LCE5A: variants seen among roughly 807,000 people sequenced by gnomAD.
LCE5A encodes the protein late cornified envelope 5A.
For missense variants in LCE5A, 139 were observed against 147.2 expected (o/e 0.94, Z 0.29); for synonymous variants, 51 against 54.2 (o/e 0.94, Z 0.26).
intron 1 of LCE5A, 53 bp from the exon 2 acceptor site, chr1:152,511,461 A>G (rs1658569319): frequency 6.0e-6 from 7 of 1,157,902 alleles, no homozygotes; most frequent in Non-Finnish European, 8.9e-6. Flanking sequence ...TTGTGAAATT[A>G]TAGTTCAATT....
rs1658584909 is a variant in LCE5A at position 152,511,732 on chromosome 1, C to T, written c.198C>T (p.Gly66=). 8.1e-6 allele frequency: 13 copies of T among 1,613,974 alleles called. No individual in the cohort carries two copies. Among genetic ancestry groups the T allele is most frequent in the Non-Finnish European group, 1.1e-5 (13 of 1,179,930 alleles). Residue 66 remains glycine, a synonymous_variant, in exon 2 of 2, where the codon GGC becomes GGT. Transcript: ENST00000334269. ...GCTGCTGCAGCTCTGAGGGTGGTGG[C>T]TGCTGCCTGAGCCACCACAGGCCCC... ...SGGCCSSEGG[G]CCLSHHRPRQ...
At chr1:152,511,450 C>G in intron 1 of LCE5A, 64 bp from the exon 2 acceptor site, 1 of 1,034,124 alleles carries the variant, frequency 9.7e-7, no homozygotes, top group Non-Finnish European at 1.5e-6. Context: ...GAGATAAAAT[C>G]TTGTGAAATT....
Position 152,511,781 on chromosome 1 carries a change from C to CA in LCE5A, c.248dup (p.Ser84GlufsTer93), listed in dbSNP as rs530699197. ...CCGCCAGTCCCTCCGACGCCGACCT[C>CA]AGAGTTCCAGCTGCTGTGGCAGTGG... On this transcript the variant is annotated frameshift_variant, in exon 2 of 2. Transcript: ENST00000334269. LOFTEE classifies it low-confidence loss of function (END_TRUNC). The CA allele has an allele frequency of 1.6e-4, 265 of 1,613,978 alleles. 3 individuals are homozygous for CA. In the South Asian group the frequency reaches 2.8e-3, roughly 17 times the overall value.
At position 152,511,997 on chromosome 1, in the gene LCE5A, G is replaced by A. The variant is rs536471694; in HGVS notation, c.*106G>A. 3.4e-5 allele frequency: 36 copies of A among 1,045,432 alleles called. No homozygotes were observed. The highest frequency in any genetic ancestry group is 6.4e-5 in the African/African-American group (4 of 62,210). The allele number at this position is 1,045,432 out of a possible 1,614,324, so 64.8% of individuals were successfully genotyped here. Reference sequence around the variant, plus strand: ...CTCTCATTTCCCATGGAAGGACTTCGGAAATGCCTTAAGTTCCCCTCTTTA... The same window carrying A: ...CTCTCATTTCCCATGGAAGGACTTCAGAAATGCCTTAAGTTCCCCTCTTTA... On this transcript the variant is annotated 3_prime_UTR_variant, in exon 2 of 2. Coordinates refer to ENST00000334269, the MANE Select transcript of LCE5A (RefSeq NM_178438.5).
In LCE5A at chr1:152,511,693, T is replaced by C. The variant is rs777971103; in HGVS notation, c.159T>C (p.Gly53=). ...PCPPPVSSCC[G]SSSGGCCSSE... Reference sequence around the variant, plus strand: ...CACCTCCAGTCTCTTCCTGCTGTGGTTCCAGCTCTGGGGGCTGCTGCAGCT... The same window carrying C: ...CACCTCCAGTCTCTTCCTGCTGTGGCTCCAGCTCTGGGGGCTGCTGCAGCT... The change falls in exon 2 of 2, where the codon GGT becomes GGC. Residue 53 remains glycine, a synonymous_variant. Coordinates refer to ENST00000334269, the MANE Select transcript of LCE5A (RefSeq NM_178438.5). 12 of 1,614,052 alleles carry C rather than the reference T, an allele frequency of 7.4e-6. No individual in the cohort carries two copies. The South Asian group carries it at 1.3e-4, about 18-fold the overall frequency.
intron 1 of LCE5A, 22 bp from the exon 2 acceptor site, chr1:152,511,492 T>C (rs1320664950): frequency 6.4e-7 from 1 of 1,551,236 alleles, no homozygotes. Flanking sequence ...GGAAGTGACC[T>C]TGGGCTTGTA....
Position 152,511,433 on chromosome 1 carries a change from C to A in LCE5A, c.-21-81C>A. On this transcript the variant is annotated intron_variant, in intron 1 of 1. Coordinates refer to ENST00000334269, the MANE Select transcript of LCE5A (RefSeq NM_178438.5). ...AATAATCATAATAATAAATTCTGGT[C>A]ATCTTAGAGATAAAATCTTGTGAAA... 4 of 883,578 alleles carry A rather than the reference C, an allele frequency of 4.5e-6. No homozygotes were observed. The South Asian group carries it at 4.7e-5, about 10-fold the overall frequency. The allele number at this position is 883,578 out of a possible 1,614,324, so 54.7% of individuals were successfully genotyped here.
At position 152,512,046 on chromosome 1, in the gene LCE5A, T is replaced by A; in HGVS notation, c.*155T>A. On this transcript the variant is annotated 3_prime_UTR_variant, in exon 2 of 2. Coordinates refer to ENST00000334269, the MANE Select transcript of LCE5A (RefSeq NM_178438.5). ...TATCCTGCCCATGTTCACTCCATTG[T>A]AGGGTTGAAGTCTAGCTTGTGATAT... 2.9e-6 allele frequency: 2 copies of A among 688,578 alleles called. No individual in the cohort carries two copies. The highest frequency in any genetic ancestry group is 2.5e-6 in the Non-Finnish European group (1 of 407,476). The allele number at this position is 688,578 out of a possible 1,614,324, so 42.7% of individuals were successfully genotyped here. A position where few individuals can be genotyped will look rare whatever the true frequency, so the allele number is the denominator to read the frequency against.
At chr1:152,511,474 A>C in intron 1 of LCE5A, 40 bp from the exon 2 acceptor site, 2 of 1,339,238 alleles carry the variant, frequency 1.5e-6, no homozygotes, top group Non-Finnish European at 2.1e-6. Flanking sequence ...GTTCAATTTT[A>C]AGGGCAAGGA....
At chr1:152,511,470 T>A in intron 1 of LCE5A, 44 bp from the exon 2 acceptor site, 1 of 1,322,530 alleles carries the variant, frequency 7.6e-7, no homozygotes, top group Non-Finnish European at 1.1e-6. Flanking sequence ...TATAGTTCAA[T>A]TTTAAGGGCA....
In LCE5A at chr1:152,511,445, A is replaced by T. The variant is rs1446315956; in HGVS notation, c.-21-69A>T. 3 of 1,002,288 alleles carry T rather than the reference A, an allele frequency of 3.0e-6. No individual in the cohort carries two copies. In the East Asian group the frequency reaches 7.1e-5, roughly 24 times the overall value. 62.1% of individuals were successfully genotyped at this position (1,002,288 alleles called of 1,614,324 possible). ...AATAAATTCTGGTCATCTTAGAGAT[A>T]AAATCTTGTGAAATTATAGTTCAAT... On this transcript the variant is annotated intron_variant, in intron 1 of 1. Coordinates refer to ENST00000334269, the MANE Select transcript of LCE5A (RefSeq NM_178438.5).
Position 152,511,909 on chromosome 1 carries a change from A to G in LCE5A, c.*18A>G. The G allele has an allele frequency of 6.3e-7, 1 of 1,591,022 alleles. No homozygotes were observed. Among genetic ancestry groups the G allele is most frequent in the Non-Finnish European group, 8.6e-7 (1 of 1,167,366 alleles). ...GCTGCTGACCTGGGCCATGAGGAGC[A>G]CGGAGGAGAAGGACTGGCAGATCCC... On this transcript the variant is annotated 3_prime_UTR_variant, in exon 2 of 2. Transcript: ENST00000334269.
chr1:152,511,641 G>T lies in LCE5A; in HGVS notation c.107G>T (p.Cys36Phe), dbSNP rs1658578997. ...PKCPPKCPPK[C>F]PPQCSAPCPP... ...TGTCCTCCCAAGTGTCCCCCAAAAT[G>T]CCCTCCCCAGTGTTCAGCCCCATGC... Residue 36 changes from cysteine to phenylalanine, a missense_variant, in exon 2 of 2, where the codon TGC becomes TTC. Transcript: ENST00000334269. 1 of 1,614,014 alleles carries T rather than the reference G, an allele frequency of 6.2e-7. No homozygotes were observed. Among genetic ancestry groups the T allele is most frequent in the Non-Finnish European group, 8.5e-7 (1 of 1,179,946 alleles).
At position 152,512,115 on chromosome 1, in the gene LCE5A, C is replaced by T. The variant is rs891400598; in HGVS notation, c.*224C>T. On this transcript the variant is annotated 3_prime_UTR_variant, in exon 2 of 2. Coordinates refer to ENST00000334269, the MANE Select transcript of LCE5A (RefSeq NM_178438.5). The stretch of plus-strand genomic sequence containing the variant: ...CTCTCAGACATAGCTCTTTGGAGAA[C>T]TAGGTGTTGTAATTCAGTTATGAAG... The T allele has an allele frequency of 1.4e-5, 8 of 554,588 alleles. No homozygotes were observed. In the African/African-American group the frequency reaches 1.5e-4, roughly 10 times the overall value. 34.4% of individuals were successfully genotyped at this position (554,588 alleles called of 1,614,324 possible).
At chr1:152,511,379 C>A in intron 1 of LCE5A, 135 bp from the exon 2 acceptor site, 1 of 661,748 alleles carries the variant, frequency 1.5e-6, no homozygotes, top group East Asian at 2.8e-5. Context: ...GCCTGAGTGA[C>A]AGAGTGAGAC....
chr1:152,511,472 T>C, intron 1 of LCE5A, 42 bp from the exon 2 acceptor site: 1 of 1,339,190 alleles, frequency 7.5e-7, no homozygotes, highest in Admixed American at 1.9e-5. Flanking sequence ...TAGTTCAATT[T>C]TAAGGGCAAG....
In LCE5A at chr1:152,511,888, C is replaced by G. The variant is rs1464227178; in HGVS notation, c.354C>G (p.Cys118Trp). 6.2e-7 allele frequency: 1 copy of G among 1,609,360 alleles called. No individual in the cohort carries two copies. The highest frequency in any genetic ancestry group is 8.5e-7 in the Non-Finnish European group (1 of 1,177,558). Residue 118 changes from cysteine to tryptophan, a missense_variant, in exon 2 of 2, where the codon TGC becomes TGG. By Grantham distance (215) the Cys-to-Trp change is radical (BLOSUM62 -2). Transcript: ENST00000334269. ...SGCCHSSGGC[C>W] ...GCTGCCACAGCTCTGGAGGCTGCTG[C>G]TGACCTGGGCCATGAGGAGCACGGA...
Position 152,511,385 on chromosome 1 carries a change from G to T in LCE5A, c.-21-129G>T. The T allele has an allele frequency of 7.3e-6, 5 of 683,992 alleles. No homozygotes were observed. In the South Asian group the frequency reaches 9.7e-5, roughly 13 times the overall value. The allele number at this position is 683,992 out of a possible 1,614,324, so 42.4% of individuals were successfully genotyped here. ...TGCACTCCAGCCTGAGTGACAGAGTGAGACTCCATCCCAAATAATAATAAT... is the reference window on the plus strand; with the variant it reads ...TGCACTCCAGCCTGAGTGACAGAGTTAGACTCCATCCCAAATAATAATAAT... On this transcript the variant is annotated intron_variant, in intron 1 of 1. Transcript: ENST00000334269.
In LCE5A at chr1:152,511,961, A is replaced by C. The variant is rs1658601033; in HGVS notation, c.*70A>C. ...GGTGCTGAAGATGTGTGTCAGCCTG[A>C]GGCTTCTTTTCTCTCATTTCCCATG... On this transcript the variant is annotated 3_prime_UTR_variant, in exon 2 of 2. Transcript: ENST00000334269. The C allele has an allele frequency of 1.4e-6, 2 of 1,410,990 alleles. No homozygotes were observed. The highest frequency in any genetic ancestry group is 4.7e-5 in the Admixed American group (2 of 42,426). 87.4% of individuals were successfully genotyped at this position (1,410,990 alleles called of 1,614,324 possible).
Sources: gnomAD v4.1 joint callset for allele counts on GRCh38, gnomAD v4.1.1 for gene constraint, MANE v1.5 for transcripts, NCBI Gene and HGNC (gene_info 2026-07-23, HGNC 2026-07-21) for gene names.